SLC38A2: variants seen among roughly 807,000 people sequenced by gnomAD.
SLC38A2 encodes solute carrier family 38 member 2.
Under a neutral mutation model 61.5 loss-of-function variants are expected in SLC38A2, and 11 were observed. The observed-to-expected ratio is 0.18, with a 90% CI of 0.11 to 0.30. The LOEUF is 0.30. SLC38A2 is among the 10% of genes least tolerant of loss of function. SLC38A2 has a pLI of 1.00. For synonymous variants in SLC38A2, 217 were observed against 212.5 expected (o/e 1.02, Z -0.18); for missense variants, 522 against 600.4 (o/e 0.87, Z 1.36).
Position 46,362,930 on chromosome 12 carries a change from T to C in SLC38A2, c.1179+91A>G, listed in dbSNP as rs1005238034. 5.3e-6 allele frequency: 8 copies of C among 1,497,452 alleles called. No individual in the cohort carries two copies. In the South Asian group the frequency reaches 5.9e-5, roughly 11 times the overall value. 92.8% of individuals were successfully genotyped at this position (1,497,452 alleles called of 1,614,324 possible). A position where few individuals can be genotyped will look rare whatever the true frequency, so the allele number is the denominator to read the frequency against. On this transcript the variant is annotated intron_variant, in intron 13 of 15. Coordinates refer to ENST00000256689, the MANE Select transcript of SLC38A2 (RefSeq NM_018976.5). ...CACCAACTTAGTATTGTTCTACTGG[T>C]GTTTCCCTTCTTCCAGAAGATGAAA...
chr12:46,370,545 T>A lies in SLC38A2; in HGVS notation c.281A>T (p.Tyr94Phe), dbSNP rs1258818124. ...AGCAATTCCAGTATTAGCCATGGCATAAGAAAGCCCAAGGATTCCACTGCC... is the reference window on the plus strand; with the variant it reads ...AGCAATTCCAGTATTAGCCATGGCAAAAGAAAGCCCAAGGATTCCACTGCC... ...IVGSGILGLS[Y>F]AMANTGIALF... is the part of the protein sequence containing the mutation. Residue 94 changes from tyrosine to phenylalanine, a missense_variant, in exon 4 of 16, where the codon TAT becomes TTT. Physicochemically the swap from Tyr to Phe is conservative, Grantham distance 22. Coordinates refer to ENST00000256689, the MANE Select transcript of SLC38A2 (RefSeq NM_018976.5). The A allele has an allele frequency of 6.2e-7, 1 of 1,613,982 alleles. No homozygotes were observed. The highest frequency in any genetic ancestry group is 2.2e-5 in the East Asian group (1 of 44,874).
intron 4 of SLC38A2, among the ~76,000 whole-genome samples, chr12:46,369,689 T>C (rs941644148): frequency 6.6e-6 from 1 of 152,132 alleles, no homozygotes; most frequent in African/African-American, 2.4e-5. Flanking sequence ...ATTGCATGTA[T>C]TTTTGTTTTG....
chr12:46,370,094 G>C (rs758710679), intron 4 of SLC38A2, among the ~76,000 whole-genome samples: 25 of 152,122 alleles, frequency 1.6e-4, no homozygotes, highest in African/African-American at 5.8e-4. Flanking sequence ...CCTTATTCAC[G>C]TAAGGGGCCA....
At chr12:46,365,244 A>T (rs1943127463) in intron 7 of SLC38A2, 55 bp from the exon 8 acceptor site, 1 of 1,340,196 alleles carries the variant, frequency 7.5e-7, no homozygotes, top group Non-Finnish European at 1.1e-6. Flanking sequence ...TGAAAAATAT[A>T]CACATCTTCT....
intron 13 of SLC38A2, 44 bp from the exon 14 acceptor site, chr12:46,362,682 T>C (rs1212969962): frequency 6.5e-7 from 1 of 1,531,710 alleles, no homozygotes; most frequent in Non-Finnish European, 8.7e-7. Context: ...ATAGCAGCAA[T>C]ATAAAATTTA....
At chr12:46,372,352 G>A (rs562271460) in intron 1 of SLC38A2, 157 bp downstream of exon 1, 2 of 226,920 alleles carry the variant, frequency 8.8e-6, no homozygotes, top group African/African-American at 4.5e-5. Flanking sequence ...CGCGCGGCGG[G>A]CCAGGGTGGA....
chr12:46,364,090 C>T (rs1442866388), intron 10 of SLC38A2, 87 bp from the exon 11 acceptor site: 1 of 1,199,396 alleles, frequency 8.3e-7, no homozygotes, highest in Non-Finnish European at 1.2e-6. Flanking sequence ...TGTAAACAAT[C>T]TTAGAATCAA....
Position 46,360,462 on chromosome 12 carries a change from C to A in SLC38A2, c.*649G>T, listed in dbSNP as rs1161757506. ...TTCATGGTACAATTTTTCATTACATCATTTTCTCTAAAAATTATTTTGGGT... is the reference window on the plus strand; with the variant it reads ...TTCATGGTACAATTTTTCATTACATAATTTTCTCTAAAAATTATTTTGGGT... On this transcript the variant is annotated 3_prime_UTR_variant, in exon 16 of 16. Coordinates refer to ENST00000256689, the MANE Select transcript of SLC38A2 (RefSeq NM_018976.5). 6.6e-6 allele frequency: 1 copy of A among 152,122 alleles called. No homozygotes were observed. The highest frequency in any genetic ancestry group is 2.4e-5 in the African/African-American group (1 of 41,440). The allele number at this position is 152,122 out of a possible 1,614,324, so 9.4% of individuals were successfully genotyped here. A position where few individuals can be genotyped will look rare whatever the true frequency, so the allele number is the denominator to read the frequency against.
Position 46,367,129 on chromosome 12 carries a change from C to T in SLC38A2, c.428G>A (p.Gly143Glu), listed in dbSNP as rs1943147011. The change falls in exon 6 of 16, where the codon GGA becomes GAA. Residue 143 changes from glycine (G) to glutamate (E), a missense_variant. Transcript: ENST00000256689. The part of the protein sequence containing the change: ...LYEQLGYKAF[G>E]LVGKLAASGS... ...AGATGCTGCAAGCTTTCCAACTAAT[C>T]CAAATGCCTTATATCCCAATTGTTC... The T allele has an allele frequency of 3.1e-6, 5 of 1,613,990 alleles. No individual in the cohort carries two copies. Among genetic ancestry groups the T allele is most frequent in the Non-Finnish European group, 4.2e-6 (5 of 1,179,998 alleles).
chr12:46,370,853 A>G lies in SLC38A2; in HGVS notation c.121T>C (p.Tyr41His). ...TGGTTTTCAGGATCTACATCTGCAT[A>G]ATGGCTGCAAAAAATATAGACATAT... ...PTKQAALKSH[Y>H]ADVDPENQNF... The change falls in exon 3 of 16, where the codon TAT becomes CAT. Residue 41 changes from tyrosine (Y) to histidine (H), a missense_variant. Around this residue, in one of 3 missense-constraint regions of SLC38A2, gnomAD observed 102 missense variants for 83.1 expected, o/e 1.23. Transcript: ENST00000256689. 3 of 1,605,304 alleles carry G rather than the reference A, an allele frequency of 1.9e-6. No homozygotes were observed. Among genetic ancestry groups the G allele is most frequent in the Non-Finnish European group, 2.6e-6 (3 of 1,176,214 alleles).
At chr12:46,361,433 C>T (rs1943080484) in intron 15 of SLC38A2, among the ~76,000 whole-genome samples, 1 of 152,074 alleles carries the variant, frequency 6.6e-6, no homozygotes, top group Non-Finnish European at 1.5e-5. Flanking sequence ...CTTTTTCATT[C>T]CTTTGTCTCA....
chr12:46,363,003 G>A lies in SLC38A2; in HGVS notation c.1179+18C>T, dbSNP rs747356961. 5 of 1,611,690 alleles carry A rather than the reference G, an allele frequency of 3.1e-6. No homozygotes were observed. The East Asian group carries it at 1.1e-4, about 36-fold the overall frequency. ...TAAAAACTCCTTCCTACTGAAAGCA[G>A]AGCAAGTGATTACTTACTGGGAAAA... On this transcript the variant is annotated intron_variant, in intron 13 of 15. Coordinates refer to ENST00000256689, the MANE Select transcript of SLC38A2 (RefSeq NM_018976.5).
Position 46,364,672 on chromosome 12 carries a change from A to C in SLC38A2, c.677T>G (p.Leu226Trp). 1 of 1,610,996 alleles carries C rather than the reference A, an allele frequency of 6.2e-7. No individual in the cohort carries two copies. Among genetic ancestry groups the C allele is most frequent in the Non-Finnish European group, 8.5e-7 (1 of 1,178,686 alleles). The change falls in exon 9 of 16, where the codon TTG becomes TGG. Residue 226 changes from leucine to tryptophan, a missense_variant. Physicochemically the swap from Leu to Trp is moderately conservative, Grantham distance 61. Transcript: ENST00000256689. ...AATCAGAAAGAACACCATACACAAC[A>C]AGGAAAGGCCACTGGTATATCCCAA... is the stretch of plus-strand genomic sequence containing the variant. ...GYLGYTSGLS[L>W]LCMVFFLIVV...
rs1014372112 is a variant in SLC38A2, at chr12:46,371,468, A to G, written c.-86-89T>C. 7.8e-5 allele frequency: 46 copies of G among 586,896 alleles called. No individual in the cohort carries two copies. In the East Asian group the frequency reaches 1.3e-3, roughly 16 times the overall value. The allele number at this position is 586,896 out of a possible 1,614,324, so 36.4% of individuals were successfully genotyped here. Reference sequence around the variant, plus strand: ...CCCGGAGGCGCAGCGCGGCTGATTCATCCCAGGCCAGGCGAGTGGAAAAGT... The same window carrying G: ...CCCGGAGGCGCAGCGCGGCTGATTCGTCCCAGGCCAGGCGAGTGGAAAAGT... On this transcript the variant is annotated intron_variant, in intron 1 of 15. Coordinates refer to ENST00000256689, the MANE Select transcript of SLC38A2 (RefSeq NM_018976.5).
intron 2 of SLC38A2, 32 bp downstream of exon 2, chr12:46,371,146 C>A: frequency 6.3e-7 from 1 of 1,589,110 alleles, no homozygotes; most frequent in Non-Finnish European, 8.6e-7. Flanking sequence ...CCATGCAAGC[C>A]GTTTTTTCAA....
chr12:46,371,826 A>G (rs1368313251), intron 1 of SLC38A2, among the ~76,000 whole-genome samples: 1 of 152,138 alleles, frequency 6.6e-6, no homozygotes, highest in Non-Finnish European at 1.5e-5. Context: ...TCTGTCCTTT[A>G]CTGCCCGGAG....
chr12:46,364,270 G>T, intron 10 of SLC38A2, 119 bp downstream of exon 10: 2 of 1,085,116 alleles, frequency 1.8e-6, no homozygotes, highest in Non-Finnish European at 2.6e-6. Flanking sequence ...TCAATAATTA[G>T]CTAATCACAT....
intron 4 of SLC38A2, among the ~76,000 whole-genome samples, chr12:46,367,758 C>A (rs1222125847): frequency 6.6e-6 from 1 of 152,140 alleles, no homozygotes; most frequent in East Asian, 1.9e-4. Context: ...GCCACTAAAC[C>A]CAGCCCACAA....
Position 46,363,826 on chromosome 12 carries a change from G to T in SLC38A2, c.954C>A (p.Asp318Glu), listed in dbSNP as rs1943109750. 1 of 1,590,756 alleles carries T rather than the reference G, an allele frequency of 6.3e-7. No homozygotes were observed. The change falls in exon 12 of 16, where the codon GAC becomes GAA. Residue 318 changes from aspartate to glutamate, a missense_variant and splice_region_variant. Around this residue, in one of 3 missense-constraint regions of SLC38A2, gnomAD observed 309 missense variants for 343.9 expected, o/e 0.90. Coordinates refer to ENST00000256689, the MANE Select transcript of SLC38A2 (RefSeq NM_018976.5). ...CATTCATCATTCTTCTACGGCTGCG[G>T]CTATGTAATTCAAGAGAAAATTCAA... is the stretch of plus-strand genomic sequence containing the variant. ...AVLPIYEELK[D>E]RSRRRMMNVS...
Sources: allele counts gnomAD v4.1 joint callset (sites outside exome capture counted in the v4.1 genomes callset), GRCh38; gene constraint gnomAD v4.1.1; regional missense constraint gnomAD v4.1.1; transcripts MANE v1.5; gene names NCBI Gene and HGNC (gene_info 2026-07-23, HGNC 2026-07-21).